PARP12: variants seen among roughly 807,000 people sequenced by gnomAD.
The protein encoded by PARP12 is protein mono-ADP-ribosyltransferase PARP12.
In PARP12, 59 loss-of-function variants were observed where a neutral mutation model predicts 72.4. That is an observed-to-expected ratio of 0.81 (90% CI 0.66 to 1.01). The LOEUF (loss-of-function observed/expected upper bound fraction) is 1.01. Ranked by LOEUF, PARP12 falls within the 50% of genes least tolerant of loss-of-function variation. PARP12 has a pLI of 0.00. For synonymous variants in PARP12, 403 were observed against 371.4 expected, an observed-to-expected ratio of 1.09 and a Z score of -0.98; for missense variants, 851 against 914.0, an observed-to-expected ratio of 0.93 and a Z score of 0.89.
At chr7:140,027,607 A>G in intron 9 of PARP12, 1 of 464,276 alleles carries the variant, frequency 2.2e-6, no homozygotes, top group Non-Finnish European at 3.8e-6. Context: ...TGGAAACTGC[A>G]ATTTTAAGTA....
At chr7:140,025,255 AAATG>A (rs2116508031) in intron 11 of PARP12, 1 of 302,330 alleles carries the variant, frequency 3.3e-6, no homozygotes, top group Non-Finnish European at 6.5e-6. Flanking sequence ...TTGGCATGGA[AAATG>A]AATGAGATCC....
At chr7:140,049,674 G>A (rs563488486) in intron 4 of PARP12, among the ~76,000 whole-genome samples, 3 of 152,192 alleles carry the variant, frequency 2.0e-5, no homozygotes, top group Non-Finnish European at 2.9e-5. Context: ...CCAGGGGAAT[G>A]CACTATAATC....
chr7:140,030,605 A>ACATACATACATACATG (rs1815903813), intron 8 of PARP12, among the ~76,000 whole-genome samples: 1 of 152,062 alleles, frequency 6.6e-6, no homozygotes, highest in African/African-American at 2.4e-5. Context: ...CAAAATACAT[A>ACATACATACATACATG]CATACATACA....
At chr7:140,048,792 GC>G (rs1318592434) in intron 4 of PARP12, among the ~76,000 whole-genome samples, 1 of 152,160 alleles carries the variant, frequency 6.6e-6, no homozygotes, top group Non-Finnish European at 1.5e-5. Flanking sequence ...AAGGTAGAAA[GC>G]CATGCTAGCG....
At chr7:140,054,352 T>A (rs1585112393) in intron 4 of PARP12, among the ~76,000 whole-genome samples, 1 of 152,324 alleles carries the variant, frequency 6.6e-6, no homozygotes, top group African/African-American at 2.4e-5. Context: ...GCTGAGCAGT[T>A]CCCTGTCCTG....
chr7:140,050,547 C>A (rs955489338), intron 4 of PARP12, among the ~76,000 whole-genome samples: 1 of 152,140 alleles, frequency 6.6e-6, no homozygotes, highest in Non-Finnish European at 1.5e-5. Flanking sequence ...AACAGGTATA[C>A]GGGATTCTCA....
intron 8 of PARP12, among the ~76,000 whole-genome samples, chr7:140,030,656 A>G (rs1400617782): frequency 6.6e-6 from 1 of 152,066 alleles, no homozygotes; most frequent in African/African-American, 2.4e-5. Context: ...GACAAACCAA[A>G]AACAGTTTTC....
Position 140,056,900 on chromosome 7 carries a change from G to A in PARP12, c.716C>T (p.Ala239Val), listed in dbSNP as rs1263617469. Residue 239 changes from alanine to valine, a missense_variant, in exon 3 of 12, where the codon GCC becomes GTC. This residue lies in a region of PARP12 where 492 missense variants were observed against 489.3 expected (regional missense o/e 1.01). Coordinates refer to ENST00000263549, the MANE Select transcript of PARP12 (RefSeq NM_022750.4). ...NAHDIKNKSSAPSRVPPLFVP... is the reference protein window; with the variant it reads ...NAHDIKNKSSVPSRVPPLFVP... ...AAAAAGAGGAGGCACTCTGCTGGGG[G>A]CAGAGCTCTTATTCTTGATGTCATG... 1.2e-5 allele frequency: 19 copies of A among 1,612,904 alleles called. No homozygotes were observed. Among genetic ancestry groups the A allele is most frequent in the Non-Finnish European group, 1.4e-5 (16 of 1,179,938 alleles).
chr7:140,048,090 G>A (rs1378520174), intron 4 of PARP12, among the ~76,000 whole-genome samples: 1 of 152,104 alleles, frequency 6.6e-6, no homozygotes, highest in Non-Finnish European at 1.5e-5. Flanking sequence ...CAAAGATGGA[G>A]CCAGATTCAT....
intron 8 of PARP12, chr7:140,033,541 G>T: frequency 1.0e-6 from 1 of 985,404 alleles, no homozygotes; most frequent in Non-Finnish European, 1.2e-6. Flanking sequence ...CCCAATATGT[G>T]GCTGTGTGGT....
Position 140,057,888 on chromosome 7 carries a change from CT to C in PARP12, c.462+10del. On this transcript the variant is annotated intron_variant, in intron 2 of 11. Coordinates refer to ENST00000263549, the MANE Select transcript of PARP12 (RefSeq NM_022750.4). ...GGGAGCTGTGGAACCCAGACTTCCC[CT>C]GGCACTCACTTCTGGCAAAAGCCAG... 1 of 1,614,044 alleles carries C rather than the reference CT, an allele frequency of 6.2e-7. No individual in the cohort carries two copies.
intron 4 of PARP12, 104 bp downstream of exon 4, chr7:140,054,558 G>T: frequency 2.1e-6 from 2 of 933,688 alleles, no homozygotes; most frequent in Non-Finnish European, 3.4e-6. Context: ...ATCCTCTCCG[G>T]ATGGGGTAGA....
chr7:140,051,062 G>C (rs1373636580), intron 4 of PARP12, among the ~76,000 whole-genome samples: 3 of 152,130 alleles, frequency 2.0e-5, no homozygotes, highest in African/African-American at 7.2e-5. Flanking sequence ...AGGAGCTGGG[G>C]GGAGGGAAGA....
In PARP12 at chr7:140,054,662, C is replaced by T; in HGVS notation, c.862G>A (p.Asp288Asn). 1 of 1,609,558 alleles carries T rather than the reference C, an allele frequency of 6.2e-7. No individual in the cohort carries two copies. The highest frequency in any genetic ancestry group is 8.5e-7 in the Non-Finnish European group (1 of 1,175,790). Residue 288 changes from aspartate to asparagine, a missense_variant and splice_region_variant, in exon 4 of 12, where the codon GAT becomes AAT. Physicochemically the swap from Asp to Asn is conservative, Grantham distance 23 (BLOSUM62 1). Coordinates refer to ENST00000263549, the MANE Select transcript of PARP12 (RefSeq NM_022750.4). ...AATGAAGGAGCCTCTTCCAACTTAC[C>T]TTGAAAGCTACAACTTTTCCGGATA... Reference protein sequence around the residue: ...YHIRKSCSFQDKCHRVHFHLP... With the variant: ...YHIRKSCSFQNKCHRVHFHLP...
intron 1 of PARP12, 31 bp from the exon 2 acceptor site, chr7:140,058,065 C>A: frequency 6.2e-7 from 1 of 1,612,618 alleles, no homozygotes; most frequent in South Asian, 1.1e-5. Flanking sequence ...TGTTATATGT[C>A]GAATTGAGTC....
intron 5 of PARP12, among the ~76,000 whole-genome samples, chr7:140,046,017 T>C (rs987160873): frequency 6.6e-6 from 1 of 152,052 alleles, no homozygotes; most frequent in Non-Finnish European, 1.5e-5. Context: ...TGGAAGGAGA[T>C]GGGGTGAGGA....
intron 11 of PARP12, among the ~76,000 whole-genome samples, chr7:140,025,875 C>T (rs755174281): frequency 3.3e-5 from 5 of 152,228 alleles, no homozygotes; most frequent in Non-Finnish European, 5.9e-5. Context: ...AGTAAAGGCA[C>T]AGTCAGGGAC....
At chr7:140,025,002 C>CAT (rs1815678785) in intron 11 of PARP12, 117 bp from the exon 12 acceptor site, 3 of 863,076 alleles carry the variant, frequency 3.5e-6, no homozygotes, top group Non-Finnish European at 1.8e-6. Context: ...TTCCACCCCG[C>CAT]ATCTCCCTCC....
chr7:140,024,352 A>G lies in PARP12; in HGVS notation c.*208T>C, dbSNP rs1815638870. On this transcript the variant is annotated 3_prime_UTR_variant, in exon 12 of 12. Coordinates refer to ENST00000263549, the MANE Select transcript of PARP12 (RefSeq NM_022750.4). Reference sequence around the variant, plus strand: ...TTAAAAAGCAAAACTGGACTCAACTACAATCACTTCTGGTTAATCCACTAG... The same window carrying G: ...TTAAAAAGCAAAACTGGACTCAACTGCAATCACTTCTGGTTAATCCACTAG... 3.2e-6 allele frequency: 2 copies of G among 616,588 alleles called. No individual in the cohort carries two copies. The highest frequency in any genetic ancestry group is 2.8e-6 in the Non-Finnish European group (1 of 355,076). 38.2% of individuals were successfully genotyped at this position (616,588 alleles called of 1,614,324 possible).
Sources: allele counts gnomAD v4.1 joint callset (sites outside exome capture counted in the v4.1 genomes callset), GRCh38; gene constraint gnomAD v4.1.1; regional missense constraint gnomAD v4.1.1; transcripts MANE v1.5; gene names NCBI Gene and HGNC (gene_info 2026-07-23, HGNC 2026-07-21).